Variants in LEPR observed in about 807,000 individuals in gnomAD.
LEPR encodes OB receptor.
In LEPR, 56 loss-of-function variants were observed where a neutral mutation model predicts 114.7. The ratio of observed to expected loss-of-function variants is 0.49; its 90% CI spans 0.39 to 0.61. The LOEUF is 0.61. LEPR is among the 20% of genes least tolerant of loss of function. LEPR has a pLI of 0.00. For missense variants in LEPR, 1,202 were observed against 1,352.9 expected (o/e 0.89, Z 1.75); for synonymous variants, 443 against 461.4 (o/e 0.96, Z 0.51).
intron 19 of LEPR, among the ~76,000 whole-genome samples, chr1:65,625,953 T>C (rs183133419): frequency 3.3e-5 from 5 of 151,622 alleles, no homozygotes; most frequent in Admixed American, 6.6e-5. Flanking sequence ...CTTTTTAATG[T>C]CACTTAAAAA....
In LEPR at chr1:65,567,011, G is replaced by A. The variant is rs1020414974; in HGVS notation, c.40+1406G>A. Among the ~76,000 whole-genome samples, 8 of 151,846 alleles carry A rather than the reference G, an allele frequency of 5.3e-5. No individual in the cohort carries two copies. The East Asian group carries it at 7.7e-4, about 15-fold the overall frequency. On this transcript the variant is annotated intron_variant, in intron 3 of 19. Transcript: ENST00000349533. ...CTTTTATAATTCTCTATTAATTTTC[G>A]TTAGACTCTAGTGTTTTACATTGAC...
chr1:65,526,416 C>A (rs1649977098), intron 2 of LEPR: 9 of 985,196 alleles, frequency 9.1e-6, no homozygotes, highest in Non-Finnish European at 9.6e-6. Flanking sequence ...AGAGACCCAA[C>A]TGAGGAATCA....
At chr1:65,509,908 A>G (rs1474967245) in intron 2 of LEPR, among the ~76,000 whole-genome samples, 1 of 152,156 alleles carries the variant, frequency 6.6e-6, no homozygotes, top group Admixed American at 6.6e-5. Flanking sequence ...TACCATTACA[A>G]TCCAAACACA....
At chr1:65,429,752 T>C in intron 2 of LEPR, 1 of 950,538 alleles carries the variant, frequency 1.1e-6, no homozygotes, top group Non-Finnish European at 1.5e-6. Context: ...TTAATTAATT[T>C]TTTGACCTAA....
At chr1:65,525,438 G>GC (rs1279436693) in intron 2 of LEPR, among the ~76,000 whole-genome samples, 3 of 152,102 alleles carry the variant, frequency 2.0e-5, no homozygotes, top group Non-Finnish European at 2.9e-5. Flanking sequence ...CCTCCCCAGC[G>GC]CCGGGTCTCT....
At chr1:65,471,495 TGG>T (rs1250616656) in intron 2 of LEPR, among the ~76,000 whole-genome samples, 3 of 152,244 alleles carry the variant, frequency 2.0e-5, no homozygotes, top group African/African-American at 7.2e-5. Context: ...AATGAAACTT[TGG>T]CAGGTCTTGT....
At chr1:65,449,260 C>CTTTTTTTTTTTTTTTT (rs201429452) in intron 2 of LEPR, among the ~76,000 whole-genome samples, 9 of 118,550 alleles carry the variant, frequency 7.6e-5, no homozygotes, top group African/African-American at 2.8e-4. Flanking sequence ...TTTTATTTAT[C>CTTTTTTTTTTTTTTTT]TTTTTTTTTT....
intron 2 of LEPR, among the ~76,000 whole-genome samples, chr1:65,546,826 C>T (rs527892705): frequency 6.6e-6 from 1 of 152,152 alleles, no homozygotes; most frequent in Admixed American, 6.5e-5. Context: ...ATTGTCCTGG[C>T]CAGAACTTCC....
chr1:65,593,980 A>T (rs4655539), intron 6 of LEPR, among the ~76,000 whole-genome samples: 76,384 of 151,862 alleles, frequency 0.5, 20,039 homozygotes, highest in East Asian at 0.88. Flanking sequence ...GTGGAATTTT[A>T]AAGAACTTGA....
chr1:65,594,378 T>C (rs568882490), intron 6 of LEPR, among the ~76,000 whole-genome samples: 20 of 152,110 alleles, frequency 1.3e-4, no homozygotes, highest in Admixed American at 3.9e-4. Flanking sequence ...CCAGAGCATA[T>C]TGTAGGCCAG....
At chr1:65,525,711 C>T (rs1649901536) in intron 2 of LEPR, 1 of 985,720 alleles carries the variant, frequency 1.0e-6, no homozygotes, top group African/African-American at 1.7e-5. Context: ...GAGTTCGGAG[C>T]GGCCCCATCG....
chr1:65,482,930 G>A (rs554306638), intron 2 of LEPR, among the ~76,000 whole-genome samples: 1 of 151,446 alleles, frequency 6.6e-6, no homozygotes, highest in East Asian at 1.9e-4. Context: ...GGAGGTTGCA[G>A]TGAGCCGAGA....
At chr1:65,532,122 G>A (rs1311831615) in intron 2 of LEPR, among the ~76,000 whole-genome samples, 6 of 152,184 alleles carry the variant, frequency 3.9e-5, no homozygotes, top group African/African-American at 1.4e-4. Context: ...TAAGCCTGGT[G>A]TCTGTGAGGA....
rs1238197997 is a variant in LEPR at position 65,442,711 on chromosome 1, A to G, written c.-21+17333A>G. Reference sequence around the variant, plus strand: ...TACTTACAATATATACACTCAATAAAATATGATATACCTCAATAAAAATAA... The same window carrying G: ...TACTTACAATATATACACTCAATAAGATATGATATACCTCAATAAAAATAA... On this transcript the variant is annotated intron_variant, in intron 2 of 19. Transcript: ENST00000349533. Among the ~76,000 whole-genome samples, 6 of 152,356 alleles carry G rather than the reference A, an allele frequency of 3.9e-5. No individual in the cohort carries two copies. The East Asian group carries it at 1.2e-3, about 29-fold the overall frequency.
chr1:65,579,149 A>T (rs563940047), intron 5 of LEPR, among the ~76,000 whole-genome samples: 1 of 152,318 alleles, frequency 6.6e-6, no homozygotes, highest in Admixed American at 6.5e-5. Flanking sequence ...ATGATGGTAG[A>T]TTCTTCAGTC....
At chr1:65,577,412 T>C (rs1317744258) in intron 5 of LEPR, 1 of 152,602 alleles carries the variant, frequency 6.6e-6, no homozygotes, top group Non-Finnish European at 1.5e-5. Flanking sequence ...GGCATGCAAT[T>C]TGTGACAATG....
At chr1:65,472,154 A>C (rs1474716525) in intron 2 of LEPR, among the ~76,000 whole-genome samples, 2 of 152,132 alleles carry the variant, frequency 1.3e-5, no homozygotes, top group African/African-American at 4.8e-5. Flanking sequence ...GGTCTTCAAA[A>C]CATCATGTAT....
intron 2 of LEPR, among the ~76,000 whole-genome samples, chr1:65,550,256 G>T (rs1299325463): frequency 6.6e-6 from 1 of 152,186 alleles, no homozygotes; most frequent in Non-Finnish European, 1.5e-5. Flanking sequence ...GCTGCTCGGG[G>T]GTCAGGGGTC....
chr1:65,601,320 T>C (rs1656424900), intron 8 of LEPR, 72 bp from the exon 9 acceptor site: 1 of 1,554,196 alleles, frequency 6.4e-7, no homozygotes, highest in Non-Finnish European at 8.8e-7. Context: ...GTTGTGAATA[T>C]TTTTCGATGT....
Sources: gnomAD v4.1 joint callset for allele counts (sites outside exome capture counted in the v4.1 genomes callset) on GRCh38, gnomAD v4.1.1 for gene constraint, MANE v1.5 for transcripts, NCBI Gene and HGNC (gene_info 2026-07-23, HGNC 2026-07-21) for gene names.